The following EEA1 variants were observed in gnomAD, a reference collection of about 807,000 sequenced individuals.
EEA1 encodes early endosome antigen 1, also known as early endosome antigen 1, 162kD.
Under a neutral mutation model 209.2 loss-of-function variants are expected in EEA1, and 111 were observed. The observed-to-expected ratio is 0.53, with a 90% confidence interval of 0.45 to 0.62. EEA1 has a LOEUF of 0.62. Among genes scored for constraint, EEA1 ranks in the 20% least tolerant of loss-of-function variants. EEA1 has a pLI of 0.00. For missense variants in EEA1, 1,343 were observed against 1,530.8 expected (o/e 0.88, Z 2.05); for synonymous variants, 536 against 540.6 (o/e 0.99, Z 0.12).
chr12:92,847,858 G>A (rs1302193333), intron 9 of EEA1, among the ~76,000 whole-genome samples: 2 of 152,074 alleles, frequency 1.3e-5, no homozygotes, highest in Admixed American at 6.6e-5. Flanking sequence ...AGAAACAAAT[G>A]CGACCACGTT....
chr12:92,813,711 C>T lies in EEA1; in HGVS notation c.1930-618G>A, dbSNP rs115994164. Among the ~76,000 whole-genome samples the T allele has an allele frequency of 5.8e-3, 888 of 152,196 alleles. 7 individuals are homozygous for T. Among genetic ancestry groups the T allele is most frequent in the African/African-American group, 0.02 (837 of 41,540 alleles). Reference sequence around the variant, plus strand: ...GGAATACCTTTAGTACAACTCACCTCGAATACGAAAAGCAAAAAATAGGCC... The same window carrying T: ...GGAATACCTTTAGTACAACTCACCTTGAATACGAAAAGCAAAAAATAGGCC... On this transcript the variant is annotated intron_variant, in intron 15 of 28. Transcript: ENST00000322349.
intron 1 of EEA1, among the ~76,000 whole-genome samples, chr12:92,912,318 T>C (rs1398459140): frequency 1.3e-5 from 2 of 151,994 alleles, no homozygotes; most frequent in African/African-American, 4.8e-5. Context: ...AATTCTCTTA[T>C]GTAATCCTCC....
chr12:92,848,044 GTAT>G lies in EEA1; in HGVS notation c.798+3064_798+3066del, dbSNP rs559591101. Among the ~76,000 whole-genome samples, 456 of 151,446 alleles carry G rather than the reference GTAT, an allele frequency of 3.0e-3. 2 individuals are homozygous for G. The highest frequency in any genetic ancestry group is 0.01 in the Middle Eastern group (3 of 294). ...TATCTATTAATTAAATAGGTAATAA[GTAT>G]TATTATTTTATTAAAAATATAATGA... On this transcript the variant is annotated intron_variant, in intron 9 of 28. Transcript: ENST00000322349.
chr12:92,895,233 G>A (rs1469245820), intron 1 of EEA1, among the ~76,000 whole-genome samples: 1 of 137,774 alleles, frequency 7.3e-6, no homozygotes, highest in African/African-American at 2.8e-5. Flanking sequence ...TCAGCTCACT[G>A]CAAGCTCCGC....
At position 92,827,999 on chromosome 12, in the gene EEA1, T is replaced by C; in HGVS notation, c.1317A>G (p.Glu439=). The C allele has an allele frequency of 1.2e-6, 2 of 1,602,760 alleles. No homozygotes were observed. The highest frequency in any genetic ancestry group is 2.7e-5 in the African/African-American group (2 of 74,306). The change falls in exon 12 of 29, where the codon GAA becomes GAG. Residue 439 remains glutamate (E), a synonymous_variant. Coordinates refer to ENST00000322349, the MANE Select transcript of EEA1 (RefSeq NM_003566.4). ...ACTTTTCACTTGAAAGCTGTCTCTG[T>C]TCCTTCAGCCTACCATGAGCTTCCC... The part of the protein sequence containing the change: ...QLGEAHGRLK[E]QRQLSSEKLM...
chr12:92,906,472 C>G (rs1880389147), intron 1 of EEA1, among the ~76,000 whole-genome samples: 1 of 152,146 alleles, frequency 6.6e-6, no homozygotes, highest in South Asian at 2.1e-4. Flanking sequence ...ATATACAACT[C>G]AAAACCTTGG....
chr12:92,879,685 G>A (rs1261509103), intron 2 of EEA1, among the ~76,000 whole-genome samples: 2 of 152,102 alleles, frequency 1.3e-5, no homozygotes, highest in African/African-American at 4.8e-5. Flanking sequence ...TATTCCCTAA[G>A]TTCACAAAGT....
intron 21 of EEA1, among the ~76,000 whole-genome samples, chr12:92,794,789 G>A (rs1011921985): frequency 2.0e-5 from 3 of 151,854 alleles, no homozygotes; most frequent in Admixed American, 1.3e-4. Context: ...TAAATGATGA[G>A]TTGATGGGTG....
chr12:92,866,088 A>G (rs1310755824), intron 2 of EEA1, among the ~76,000 whole-genome samples: 1 of 146,568 alleles, frequency 6.8e-6, no homozygotes, highest in East Asian at 2.1e-4. Flanking sequence ...GCTACTCAGG[A>G]GGCTGAAGTA....
intron 3 of EEA1, chr12:92,858,557 A>G (rs1877990327): frequency 2.6e-6 from 2 of 769,146 alleles, no homozygotes; most frequent in Non-Finnish European, 4.8e-6. Flanking sequence ...GTCTTAGCAT[A>G]CAAGCTTAAA....
Position 92,813,065 on chromosome 12 carries a change from G to A in EEA1, c.1958C>T (p.Ser653Leu). Reference sequence around the variant, plus strand: ...TTGAGCAGTTTTTGCTGCTTCTGCTGATAGTAATAGTTCGGTTTTGGCTTT... The same window carrying A: ...TTGAGCAGTTTTTGCTGCTTCTGCTAATAGTAATAGTTCGGTTTTGGCTTT... ...QIKAKTELLL[S>L]AEAAKTAQRA... Residue 653 changes from serine (S) to leucine (L), a missense_variant, in exon 16 of 29, where the codon TCA (serine) becomes TTA (leucine). Transcript: ENST00000322349. 6.3e-7 allele frequency: 1 copy of A among 1,592,510 alleles called. No individual in the cohort carries two copies. Among genetic ancestry groups the A allele is most frequent in the Non-Finnish European group, 8.6e-7 (1 of 1,165,196 alleles).
intron 16 of EEA1, 46 bp from the exon 17 acceptor site, chr12:92,811,480 A>G (rs778060614): frequency 1.5e-6 from 2 of 1,295,536 alleles, no homozygotes; most frequent in Admixed American, 2.8e-5. Context: ...GGTTTACTAT[A>G]TTGTAGTGGC....
chr12:92,889,493 G>A (rs1248435627), intron 2 of EEA1, among the ~76,000 whole-genome samples: 1 of 146,514 alleles, frequency 6.8e-6, no homozygotes, highest in Non-Finnish European at 1.5e-5. Context: ...GGGTTTAGCG[G>A]TTTTCCCAGT....
At chr12:92,888,099 T>C (rs535499528) in intron 2 of EEA1, among the ~76,000 whole-genome samples, 2 of 151,972 alleles carry the variant, frequency 1.3e-5, no homozygotes, top group African/African-American at 2.4e-5. Flanking sequence ...ACAGTAACAA[T>C]GTGACCCAGA....
chr12:92,804,817 C>G (rs1875115693), intron 18 of EEA1, among the ~76,000 whole-genome samples: 1 of 152,012 alleles, frequency 6.6e-6, no homozygotes, highest in Non-Finnish European at 1.5e-5. Flanking sequence ...AAGCCCTGGG[C>G]TCATGGGTGG....
chr12:92,905,075 C>A (rs1347506667), intron 1 of EEA1, among the ~76,000 whole-genome samples: 2 of 151,926 alleles, frequency 1.3e-5, no homozygotes, highest in African/African-American at 2.4e-5. Flanking sequence ...TATCTAGGGG[C>A]CCATCAATAT....
At position 92,928,741 on chromosome 12, in the gene EEA1, G is replaced by A. The variant is rs550819210; in HGVS notation, c.24+302C>T. ...ATTTTCACTCCCACTCAGGGTTCCC[G>A]GGAGGAACGCGCCGGCACCACACCC... On this transcript the variant is annotated intron_variant, in intron 1 of 28. Coordinates refer to ENST00000322349, the MANE Select transcript of EEA1 (RefSeq NM_003566.4). Among the ~76,000 whole-genome samples the A allele has an allele frequency of 5.9e-3, 897 of 152,138 alleles. 8 individuals carry two copies. Among genetic ancestry groups the A allele is most frequent in the African/African-American group, 0.021 (856 of 41,538 alleles).
intron 13 of EEA1, among the ~76,000 whole-genome samples, chr12:92,825,823 T>G (rs1461662329): frequency 1.3e-5 from 2 of 150,604 alleles, no homozygotes; most frequent in Admixed American, 1.3e-4. Flanking sequence ...TATAAGTAAT[T>G]TAAATAAATG....
At chr12:92,885,077 T>A (rs1481661839) in intron 2 of EEA1, among the ~76,000 whole-genome samples, 1 of 151,638 alleles carries the variant, frequency 6.6e-6, no homozygotes, top group African/African-American at 2.4e-5. Flanking sequence ...ATAATATATA[T>A]ATAACATGCA....
Sources: allele counts gnomAD v4.1 joint callset (sites outside exome capture counted in the v4.1 genomes callset), GRCh38; gene constraint gnomAD v4.1.1; transcripts MANE v1.5; gene names NCBI Gene and HGNC (gene_info 2026-07-23, HGNC 2026-07-21).